Variants in KSR2 observed in about 807,000 individuals in gnomAD.
KSR2 encodes kinase suppressor of ras 2.
Under a neutral mutation model 107.8 loss-of-function variants are expected in KSR2, and 25 were observed. The ratio of observed to expected loss-of-function variants is 0.23; its 90% CI spans 0.17 to 0.32. KSR2 has a LOEUF of 0.32. Ranked by LOEUF, KSR2 falls within the 10% of genes least tolerant of loss-of-function variation. The probability of loss-of-function intolerance (pLI) is 1.00; values close to 1 mark genes in which losing one functional copy is unlikely to be tolerated. For synonymous variants in KSR2, 480 were observed against 507.0 expected (o/e 0.95, Z 0.71); for missense variants, 887 against 1,268.9 (o/e 0.70, Z 4.57).
At chr12:117,919,941 T>C (rs963267206) in intron 1 of KSR2, among the ~76,000 whole-genome samples, 4 of 152,234 alleles carry the variant, frequency 2.6e-5, no homozygotes, top group Admixed American at 2.0e-4. Flanking sequence ...CCTATGCTGA[T>C]TGGTATACAT....
intron 4 of KSR2, among the ~76,000 whole-genome samples, chr12:117,694,845 C>CTTT (rs34228762): frequency 0.02 from 1,993 of 98,708 alleles, 98 homozygotes; most frequent in East Asian, 0.1. Context: ...TTGTATGATT[C>CTTT]TTTTTTTTTT....
At chr12:117,899,331 A>G (rs1199394466) in intron 1 of KSR2, among the ~76,000 whole-genome samples, 1 of 151,976 alleles carries the variant, frequency 6.6e-6, no homozygotes, top group Non-Finnish European at 1.5e-5. Flanking sequence ...TGTCTCTACA[A>G]AAATAAAAAA....
At chr12:117,499,920 G>A (rs1873279074) in intron 14 of KSR2, among the ~76,000 whole-genome samples, 1 of 152,178 alleles carries the variant, frequency 6.6e-6, no homozygotes, top group South Asian at 2.1e-4. Context: ...ACACTGGGAG[G>A]AGGGCCTGTG....
chr12:117,711,303 C>T (rs1886768660), intron 4 of KSR2, among the ~76,000 whole-genome samples: 1 of 152,184 alleles, frequency 6.6e-6, no homozygotes, highest in Non-Finnish European at 1.5e-5. Context: ...AAACTGAGAT[C>T]AGAAGGATCA....
intron 3 of KSR2, among the ~76,000 whole-genome samples, chr12:117,835,214 T>C (rs1051065018): frequency 4.6e-5 from 7 of 152,184 alleles, no homozygotes; most frequent in African/African-American, 1.7e-4. Context: ...CGTCTGCTGT[T>C]GCCCCCTTTC....
At chr12:117,707,374 T>C (rs1227458101) in intron 4 of KSR2, among the ~76,000 whole-genome samples, 1 of 152,226 alleles carries the variant, frequency 6.6e-6, no homozygotes, top group East Asian at 1.9e-4. Flanking sequence ...TTGAATTCTA[T>C]ACTTTAAATG....
intron 13 of KSR2, among the ~76,000 whole-genome samples, chr12:117,525,819 G>C (rs937595865): frequency 2.0e-5 from 3 of 152,176 alleles, no homozygotes; most frequent in Admixed American, 6.5e-5. Context: ...AACTGGGAGA[G>C]GTCAGAGCTA....
chr12:117,861,191 C>T (rs866951859), intron 1 of KSR2, among the ~76,000 whole-genome samples: 7 of 152,136 alleles, frequency 4.6e-5, no homozygotes, highest in Non-Finnish European at 7.4e-5. Context: ...ATAAAGGATG[C>T]TACAGCCAAC....
Position 117,645,911 on chromosome 12 carries a change from GTGTA to G in KSR2, c.1171+21559_1171+21562del, listed in dbSNP as rs201858743. 9.9e-3 allele frequency among the ~76,000 whole-genome samples: 1,262 copies of G among 126,858 alleles called. 15 individuals are homozygous for G. The highest frequency in any genetic ancestry group is 0.038 in the African/African-American group (1,175 of 31,062). The allele number at this position is 126,858 out of a possible 152,430, so 83.2% of individuals were successfully genotyped here. A position where few individuals can be genotyped will look rare whatever the true frequency, so the allele number is the denominator to read the frequency against. ...TGTGTGTGTGTGTGTGTGTGTGTGT[GTGTA>G]CAGCTGTCCTTCAGTATCCATAGGG... On this transcript the variant is annotated intron_variant, in intron 5 of 19. Coordinates refer to ENST00000339824, the MANE Select transcript of KSR2 (RefSeq NM_173598.6).
At chr12:117,936,921 G>T (rs992626027) in intron 1 of KSR2, among the ~76,000 whole-genome samples, 1 of 152,218 alleles carries the variant, frequency 6.6e-6, no homozygotes, top group Non-Finnish European at 1.5e-5. Context: ...GAAGGGTGGT[G>T]TCTGGGAGAC....
chr12:117,647,146 C>T (rs367713264), intron 5 of KSR2, among the ~76,000 whole-genome samples: 2 of 151,976 alleles, frequency 1.3e-5, no homozygotes, highest in East Asian at 1.9e-4. Flanking sequence ...ACAGATGTGA[C>T]GGAGGAAGAG....
At chr12:117,898,321 CT>C (rs1468234305) in intron 1 of KSR2, among the ~76,000 whole-genome samples, 6 of 151,432 alleles carry the variant, frequency 4.0e-5, no homozygotes, top group Admixed American at 3.9e-4. Context: ...GGCTGTTTGT[CT>C]CCTTTTTTTT....
intron 13 of KSR2, among the ~76,000 whole-genome samples, chr12:117,526,299 G>A (rs908727275): frequency 6.6e-5 from 10 of 152,132 alleles, no homozygotes; most frequent in Admixed American, 1.3e-4. Context: ...GCTTGGGGGC[G>A]AATTGCCTCT....
intron 19 of KSR2, among the ~76,000 whole-genome samples, chr12:117,469,460 C>A (rs1871311542): frequency 6.6e-6 from 1 of 152,062 alleles, no homozygotes; most frequent in South Asian, 2.1e-4. Context: ...GGACCCAAGA[C>A]CCACAGGACA....
In KSR2 at chr12:117,464,087, G is replaced by C. The variant is rs1871036026; in HGVS notation, c.*3112C>G. The C allele has an allele frequency of 6.6e-6, 1 of 152,172 alleles. No homozygotes were observed. The highest frequency in any genetic ancestry group is 1.5e-5 in the Non-Finnish European group (1 of 68,036). The allele number at this position is 152,172 out of a possible 1,614,324, so 9.4% of individuals were successfully genotyped here. A position where few individuals can be genotyped will look rare whatever the true frequency, so the allele number is the denominator to read the frequency against. On this transcript the variant is annotated 3_prime_UTR_variant, in exon 20 of 20. Coordinates refer to ENST00000339824, the MANE Select transcript of KSR2 (RefSeq NM_173598.6). ...GGTTTCCAGCTTGGCTCTGGGGATG[G>C]GGACACAAGGGGCACGTCCTCCCAC...
At chr12:117,929,712 T>G (rs903006245) in intron 1 of KSR2, among the ~76,000 whole-genome samples, 1 of 152,166 alleles carries the variant, frequency 6.6e-6, no homozygotes, top group Non-Finnish European at 1.5e-5. Context: ...TGCTGCAATA[T>G]GGATGAAACT....
Position 117,853,894 on chromosome 12 carries a change from T to C in KSR2, c.472+1534A>G, listed in dbSNP as rs562756042. ...AAATATCTGGGGATATTTCCATGTGTCATGACTTTGAGTTGGGGGATGTTA... is the reference window on the plus strand; with the variant it reads ...AAATATCTGGGGATATTTCCATGTGCCATGACTTTGAGTTGGGGGATGTTA... On this transcript the variant is annotated intron_variant, in intron 3 of 19. Coordinates refer to ENST00000339824, the MANE Select transcript of KSR2 (RefSeq NM_173598.6). 3.1e-4 allele frequency among the ~76,000 whole-genome samples: 47 copies of C among 152,288 alleles called. No homozygotes were observed. The South Asian group carries it at 8.7e-3, about 28-fold the overall frequency.
chr12:117,499,630 C>T (rs772514127), intron 14 of KSR2, among the ~76,000 whole-genome samples: 25 of 152,182 alleles, frequency 1.6e-4, no homozygotes, highest in Non-Finnish European at 2.5e-4. Flanking sequence ...CTGTCTTTTG[C>T]ACAGGGTTTA....
chr12:117,816,549 T>A (rs972438012), intron 3 of KSR2, among the ~76,000 whole-genome samples: 30 of 152,194 alleles, frequency 2.0e-4, no homozygotes, highest in African/African-American at 7.2e-4. Context: ...TTAGTCATCA[T>A]AGAACCCTAG....
Sources: allele counts gnomAD v4.1 joint callset (sites outside exome capture counted in the v4.1 genomes callset), GRCh38; gene constraint gnomAD v4.1.1; transcripts MANE v1.5; gene names NCBI Gene and HGNC (gene_info 2026-07-23, HGNC 2026-07-21).